MB21D2: variants seen among roughly 807,000 people sequenced by gnomAD.
The protein encoded by MB21D2 is Mab-21 domain containing 2, also known as nucleotidyltransferase MB21D2.
In MB21D2, 9 loss-of-function variants were observed where a neutral mutation model predicts 33.3. That is an observed-to-expected ratio of 0.27 (90% CI 0.16 to 0.47). The LOEUF (loss-of-function observed/expected upper bound fraction) is 0.47. Ranked by LOEUF, MB21D2 falls within the 20% of genes least tolerant of loss-of-function variation. MB21D2 has a pLI of 0.99. For missense variants in MB21D2, 540 were observed against 624.6 expected (o/e 0.86, Z 1.44); for synonymous variants, 241 against 236.3 (o/e 1.02, Z -0.18).
intron 1 of MB21D2, among the ~76,000 whole-genome samples, chr3:192,899,243 G>C (rs539200773): frequency 5.6e-4 from 86 of 152,256 alleles, no homozygotes; most frequent in African/African-American, 2.0e-3. Flanking sequence ...TAAGGAGTTT[G>C]AACAGCCAGG....
At chr3:192,819,126 C>T (rs1409515572) in intron 1 of MB21D2, among the ~76,000 whole-genome samples, 1 of 152,148 alleles carries the variant, frequency 6.6e-6, no homozygotes, top group East Asian at 1.9e-4. Context: ...GATCCCAGGG[C>T]TCCTGAAGAG....
Position 192,865,466 on chromosome 3 carries a change from A to C in MB21D2, c.211+52164T>G, listed in dbSNP as rs529613820. 5.9e-5 allele frequency among the ~76,000 whole-genome samples: 9 copies of C among 152,364 alleles called. No homozygotes were observed. The East Asian group carries it at 1.7e-3, about 29-fold the overall frequency. ...AGGAGTATGTAGAAATTCAAAGTAC[A>C]TGCATTAACATTCCACTGGAAGGGC... On this transcript the variant is annotated intron_variant, in intron 1 of 1. Coordinates refer to ENST00000392452, the MANE Select transcript of MB21D2 (RefSeq NM_178496.4).
chr3:192,810,704 G>C (rs1711765816), intron 1 of MB21D2, among the ~76,000 whole-genome samples: 1 of 152,038 alleles, frequency 6.6e-6, no homozygotes, highest in Non-Finnish European at 1.5e-5. Flanking sequence ...AATATGTTAA[G>C]GTAAATCCCA....
At chr3:192,823,866 TA>T (rs1339327156) in intron 1 of MB21D2, among the ~76,000 whole-genome samples, 1 of 152,084 alleles carries the variant, frequency 6.6e-6, no homozygotes, top group African/African-American at 2.4e-5. Context: ...ACTGTGGAAA[TA>T]ATAATTGTTT....
chr3:192,860,370 ATTTC>A (rs1206052933), intron 1 of MB21D2, among the ~76,000 whole-genome samples: 6 of 152,144 alleles, frequency 3.9e-5, no homozygotes, highest in East Asian at 3.9e-4. Flanking sequence ...TATTTTGTTT[ATTTC>A]TTTATCTATT....
intron 1 of MB21D2, among the ~76,000 whole-genome samples, chr3:192,898,093 T>C (rs1047693962): frequency 2.6e-5 from 4 of 152,162 alleles, no homozygotes; most frequent in African/African-American, 9.7e-5. Flanking sequence ...TTTAAGTATA[T>C]GTAGATGCTA....
In MB21D2 at chr3:192,798,113, G is replaced by A; in HGVS notation, c.*273C>T. Reference sequence around the variant, plus strand: ...AGGATTCATGGGCATTTTCATCTATGGCTTAAGATCTCCTTAAAAAGAAAA... The same window carrying A: ...AGGATTCATGGGCATTTTCATCTATAGCTTAAGATCTCCTTAAAAAGAAAA... On this transcript the variant is annotated 3_prime_UTR_variant, in exon 2 of 2. Coordinates refer to ENST00000392452, the MANE Select transcript of MB21D2 (RefSeq NM_178496.4). This position sits in a 1 kb window ranked among gnomAD's most constrained non-coding sequence, Gnocchi z 4.8. 1 of 338,510 alleles carries A rather than the reference G, an allele frequency of 3.0e-6. No homozygotes were observed. The highest frequency in any genetic ancestry group is 5.4e-6 in the Non-Finnish European group (1 of 186,056). The allele number at this position is 338,510 out of a possible 1,614,324, so 21.0% of individuals were successfully genotyped here. A position where few individuals can be genotyped will look rare whatever the true frequency, so the allele number is the denominator to read the frequency against.
At chr3:192,838,700 T>A (rs1016543022) in intron 1 of MB21D2, among the ~76,000 whole-genome samples, 2 of 152,222 alleles carry the variant, frequency 1.3e-5, no homozygotes, top group African/African-American at 2.4e-5. Flanking sequence ...AGTGCTGGGA[T>A]TACAGGTGTG....
intron 1 of MB21D2, among the ~76,000 whole-genome samples, chr3:192,844,840 T>C (rs2108626868): frequency 1.3e-5 from 2 of 152,296 alleles, no homozygotes; most frequent in South Asian, 4.1e-4. Context: ...AAGAGAAACC[T>C]GAATAAGCCA....
rs146121226 is a variant in MB21D2 at position 192,799,196 on chromosome 3, G to A, written c.666C>T (p.Ile222=). 2.5e-5 allele frequency: 41 copies of A among 1,614,254 alleles called. No homozygotes were observed. The African/African-American group carries it at 3.5e-4, about 14-fold the overall frequency. Residue 222 remains isoleucine (I), a synonymous_variant, in exon 2 of 2, where the codon ATC becomes ATT. Coordinates refer to ENST00000392452, the MANE Select transcript of MB21D2 (RefSeq NM_178496.4). This position sits in a 1 kb window ranked among gnomAD's most constrained non-coding sequence, Gnocchi z 4.1. ...KVEKNGTIIS[I]ILGVGSSRML... ...TGCGACTACTCCCTACACCCAGAATGATGGAGATGATGGTCCCATTTTTTT... is the reference window on the plus strand; with the variant it reads ...TGCGACTACTCCCTACACCCAGAATAATGGAGATGATGGTCCCATTTTTTT...
chr3:192,820,328 C>T (rs1028062976), intron 1 of MB21D2, among the ~76,000 whole-genome samples: 1 of 151,910 alleles, frequency 6.6e-6, no homozygotes, highest in African/African-American at 2.4e-5. Context: ...GCACAAAGAG[C>T]AAAGTAGACC....
intron 1 of MB21D2, among the ~76,000 whole-genome samples, chr3:192,820,472 T>C (rs1712021626): frequency 2.0e-5 from 3 of 152,142 alleles, no homozygotes; most frequent in Admixed American, 6.6e-5. Flanking sequence ...GTTAAAATGA[T>C]TAGAAAGAAA....
At chr3:192,886,839 T>G (rs1458418436) in intron 1 of MB21D2, among the ~76,000 whole-genome samples, 1 of 152,108 alleles carries the variant, frequency 6.6e-6, no homozygotes. Context: ...GTAAATATCT[T>G]GCCTGATTCT....
intron 1 of MB21D2, among the ~76,000 whole-genome samples, chr3:192,876,894 C>T (rs1713441011): frequency 6.6e-6 from 1 of 152,158 alleles, no homozygotes; most frequent in Admixed American, 6.5e-5. Flanking sequence ...CCTATGTGCT[C>T]CTGTGGCACC....
intron 1 of MB21D2, among the ~76,000 whole-genome samples, chr3:192,835,213 G>T (rs1351685699): frequency 6.7e-6 from 1 of 148,506 alleles, no homozygotes; most frequent in Admixed American, 6.7e-5. Flanking sequence ...CCAGCACTTT[G>T]GGAGGCTGAG....
At chr3:192,813,346 T>C (rs1018967577) in intron 1 of MB21D2, among the ~76,000 whole-genome samples, 1 of 148,628 alleles carries the variant, frequency 6.7e-6, no homozygotes, top group African/African-American at 2.5e-5. Flanking sequence ...TTTCCAGGAA[T>C]AAAAGAAAAA....
chr3:192,839,267 T>C lies in MB21D2; in HGVS notation c.212-39617A>G, dbSNP rs181621093. On this transcript the variant is annotated intron_variant, in intron 1 of 1. Transcript: ENST00000392452. ...ACAAACAGGTCACCTTAATTCCTTT[T>C]GCATGTACCCACTCTGGATTTACGT... Among the ~76,000 whole-genome samples the C allele has an allele frequency of 1.9e-3, 285 of 152,312 alleles. 1 individual carries two copies. Among genetic ancestry groups the C allele is most frequent in the South Asian group, 0.015 (74 of 4,824 alleles).
intron 1 of MB21D2, among the ~76,000 whole-genome samples, chr3:192,802,372 C>T (rs2108608670): frequency 6.6e-6 from 1 of 152,142 alleles, no homozygotes; most frequent in Non-Finnish European, 1.5e-5. Flanking sequence ...AACATCCTAA[C>T]TCCATTTCAG....
intron 1 of MB21D2, among the ~76,000 whole-genome samples, chr3:192,913,022 T>C (rs1377475405): frequency 2.0e-5 from 3 of 152,206 alleles, no homozygotes; most frequent in African/African-American, 4.8e-5. Context: ...GGTCAGCACA[T>C]GGTATGAGCC....
Sources: allele counts gnomAD v4.1 joint callset (sites outside exome capture counted in the v4.1 genomes callset), GRCh38; gene constraint gnomAD v4.1.1; non-coding constraint Gnocchi (gnomAD v3.1); transcripts MANE v1.5; gene names NCBI Gene and HGNC (gene_info 2026-07-23, HGNC 2026-07-21).